The following ADAMTSL1 variants were observed in gnomAD, a reference collection of about 807,000 sequenced individuals.
ADAMTSL1 encodes the protein ADAMTS-like protein 1.
In ADAMTSL1, 126 loss-of-function variants were observed where a neutral mutation model predicts 201.8. That is an observed-to-expected ratio of 0.62 (90% confidence interval 0.54 to 0.72). The LOEUF is 0.72. ADAMTSL1 is among the 30% of genes least tolerant of loss of function. The pLI is 0.00. For missense variants in ADAMTSL1, 2,679 were observed against 2,277.8 expected (o/e 1.18, Z -3.59); for synonymous variants, 1,121 against 903.4 (o/e 1.24, Z -4.32).
chr9:17,923,458 A>G (rs906205849), intron 1 of ADAMTSL1, among the ~76,000 whole-genome samples: 3 of 151,256 alleles, frequency 2.0e-5, no homozygotes, highest in Admixed American at 1.3e-4. Context: ...TTGTTGGTGT[A>G]TAAGAATGCT....
intron 4 of ADAMTSL1, among the ~76,000 whole-genome samples, chr9:18,614,930 C>T (rs1825605737): frequency 6.6e-6 from 1 of 151,944 alleles, no homozygotes; most frequent in African/African-American, 2.4e-5. Context: ...AAGTTTCCAT[C>T]TACTCAAAAC....
intron 1 of ADAMTSL1, among the ~76,000 whole-genome samples, chr9:17,909,194 T>G (rs1378512648): frequency 9.5e-5 from 14 of 147,668 alleles, no homozygotes; most frequent in African/African-American, 2.9e-4. Flanking sequence ...TAAATTTGTT[T>G]GAGTTCATTG....
chr9:18,506,622 A>C (rs1016399426), intron 2 of ADAMTSL1, among the ~76,000 whole-genome samples: 2 of 152,222 alleles, frequency 1.3e-5, no homozygotes, highest in Non-Finnish European at 2.9e-5. Flanking sequence ...CCACCTAGTA[A>C]GTTAAAGGTC....
chr9:18,885,714 C>T (rs572565193), intron 23 of ADAMTSL1, among the ~76,000 whole-genome samples: 6 of 152,168 alleles, frequency 3.9e-5, no homozygotes, highest in African/African-American at 1.4e-4. Flanking sequence ...ATAGTCTGCT[C>T]CTACCCTCTC....
At chr9:18,209,561 A>G (rs1467331130) in intron 2 of ADAMTSL1, among the ~76,000 whole-genome samples, 1 of 152,170 alleles carries the variant, frequency 6.6e-6, no homozygotes, top group Non-Finnish European at 1.5e-5. Context: ...GATAAACTTA[A>G]TTCTTGACTC....
chr9:18,375,597 T>G (rs1010365589), intron 2 of ADAMTSL1, among the ~76,000 whole-genome samples: 1 of 152,176 alleles, frequency 6.6e-6, no homozygotes, highest in Non-Finnish European at 1.5e-5. Flanking sequence ...TCCGGTGAGT[T>G]TGTGGTCTCG....
chr9:18,346,524 A>G (rs1455135337), intron 2 of ADAMTSL1, among the ~76,000 whole-genome samples: 1 of 152,176 alleles, frequency 6.6e-6, no homozygotes, highest in African/African-American at 2.4e-5. Context: ...GAGGTTGAAC[A>G]TCCATATGAA....
chr9:18,458,879 C>T (rs1331638308), intron 2 of ADAMTSL1, among the ~76,000 whole-genome samples: 1 of 152,130 alleles, frequency 6.6e-6, no homozygotes, highest in Non-Finnish European at 1.5e-5. Context: ...AAAAATATTT[C>T]CTTGCATGTT....
At chr9:18,878,152 G>A (rs1288251718) in intron 23 of ADAMTSL1, among the ~76,000 whole-genome samples, 1 of 152,180 alleles carries the variant, frequency 6.6e-6, no homozygotes, top group Non-Finnish European at 1.5e-5. Context: ...TTTATTTGCA[G>A]GCAGCCAGTG....
chr9:18,887,700 G>A (rs1025710516), intron 23 of ADAMTSL1, 131 bp from the exon 24 acceptor site: 4 of 759,674 alleles, frequency 5.3e-6, no homozygotes, highest in African/African-American at 3.5e-5. Context: ...AATGGCAAAT[G>A]TAATAAAAAT....
At chr9:18,252,263 A>C (rs1831493454) in intron 2 of ADAMTSL1, among the ~76,000 whole-genome samples, 1 of 152,166 alleles carries the variant, frequency 6.6e-6, no homozygotes, top group Admixed American at 6.5e-5. Flanking sequence ...ATAATTCGAA[A>C]GTGGAATCCA....
intron 2 of ADAMTSL1, among the ~76,000 whole-genome samples, chr9:18,453,484 C>T (rs767696255): frequency 6.6e-6 from 1 of 152,070 alleles, no homozygotes; most frequent in Non-Finnish European, 1.5e-5. Flanking sequence ...TCTGAACATG[C>T]TTTTTTAATT....
intron 19 of ADAMTSL1, among the ~76,000 whole-genome samples, chr9:18,789,607 T>G (rs11794922): frequency 0.12 from 18,623 of 152,228 alleles, 1,378 homozygotes; most frequent in Non-Finnish European, 0.15. Context: ...GATAATAATT[T>G]ATAATCTCAC....
At chr9:18,573,523 G>C (rs941699507) in intron 3 of ADAMTSL1, 1 of 157,158 alleles carries the variant, frequency 6.4e-6, no homozygotes, top group African/African-American at 2.4e-5. Flanking sequence ...TGCAACCTAA[G>C]TCCTAGACAA....
intron 5 of ADAMTSL1, among the ~76,000 whole-genome samples, chr9:18,624,305 A>G (rs906928364): frequency 6.6e-6 from 1 of 152,226 alleles, no homozygotes; most frequent in African/African-American, 2.4e-5. Context: ...CTTCTTCCAT[A>G]AGATGAAAAA....
chr9:18,586,202 C>T (rs1823480055), intron 4 of ADAMTSL1, among the ~76,000 whole-genome samples: 1 of 152,140 alleles, frequency 6.6e-6, no homozygotes, highest in Non-Finnish European at 1.5e-5. Flanking sequence ...ATGGGCTCAA[C>T]CCAAAAGCTC....
chr9:18,866,075 C>A (rs1215288788), intron 23 of ADAMTSL1, among the ~76,000 whole-genome samples: 1 of 128,728 alleles, frequency 7.8e-6, no homozygotes, highest in Non-Finnish European at 1.6e-5. Flanking sequence ...TTTTGGTGTC[C>A]TTGTAAATGG....
intron 1 of ADAMTSL1, among the ~76,000 whole-genome samples, chr9:17,966,483 A>G (rs2131413131): frequency 6.6e-6 from 1 of 152,178 alleles, no homozygotes; most frequent in South Asian, 2.1e-4. Context: ...AATAAGTACC[A>G]CCATTCTGCC....
At position 18,042,774 on chromosome 9, in the gene ADAMTSL1, C is replaced by A. The variant is rs576665082; in HGVS notation, c.88-121088C>A. Among the ~76,000 whole-genome samples, 16 of 152,172 alleles carry A rather than the reference C, an allele frequency of 1.1e-4. No homozygotes were observed. In the South Asian group the frequency reaches 3.3e-3, roughly 32 times the overall value. On this transcript the variant is annotated intron_variant, in intron 1 of 29. Coordinates refer to the ADAMTSL1 transcript ENST00000680146. ...CTTCTACTCTGTAGTCTAAGAAGTG[C>A]CAAGAAGGTATACTCAAAAGTCTTG... is the stretch of plus-strand genomic sequence containing the variant.
Sources: allele counts gnomAD v4.1 joint callset (sites outside exome capture counted in the v4.1 genomes callset), GRCh38; gene constraint gnomAD v4.1.1; transcripts MANE v1.5; gene names NCBI Gene and HGNC (gene_info 2026-07-23, HGNC 2026-07-21).